NUMB: variants seen among roughly 807,000 people sequenced by gnomAD.
The protein encoded by NUMB is protein numb homolog.
In NUMB, 29 loss-of-function variants were observed where a neutral mutation model predicts 59.7. That is an observed-to-expected ratio of 0.49 (90% confidence interval 0.36 to 0.66). The LOEUF is 0.66. Among genes scored for constraint, NUMB ranks in the 30% least tolerant of loss-of-function variants. NUMB has a pLI of 0.00. For synonymous variants in NUMB, 288 were observed against 288.2 expected, an observed-to-expected ratio of 1.00 and a Z score of 0.01; for missense variants, 723 against 822.0, an observed-to-expected ratio of 0.88 and a Z score of 1.47.
chr14:73,370,913 G>A (rs142404050), intron 2 of NUMB, among the ~76,000 whole-genome samples: 2 of 152,088 alleles, frequency 1.3e-5, no homozygotes, highest in African/African-American at 4.8e-5. Context: ...AAGAAAATTT[G>A]CAAAGATCAT....
chr14:73,338,840 C>T (rs1436382266), intron 4 of NUMB, among the ~76,000 whole-genome samples: 1 of 152,174 alleles, frequency 6.6e-6, no homozygotes, highest in Admixed American at 6.6e-5. Flanking sequence ...TAGAAACTTA[C>T]TCATAATTAT....
At chr14:73,446,360 C>A (rs1223863543) in intron 1 of NUMB, among the ~76,000 whole-genome samples, 1 of 152,070 alleles carries the variant, frequency 6.6e-6, no homozygotes, top group Non-Finnish European at 1.5e-5. Context: ...GTAATCCCAG[C>A]ACTTTGGGAG....
At chr14:73,443,795 C>T (rs1233274252) in intron 1 of NUMB, among the ~76,000 whole-genome samples, 2 of 152,068 alleles carry the variant, frequency 1.3e-5, no homozygotes, top group African/African-American at 4.8e-5. Flanking sequence ...GGATTACAGA[C>T]GCCCACCACC....
intron 4 of NUMB, among the ~76,000 whole-genome samples, chr14:73,350,486 A>C (rs988302036): frequency 6.6e-6 from 1 of 150,948 alleles, no homozygotes; most frequent in African/African-American, 2.4e-5. Flanking sequence ...GTCATTTTTA[A>C]TACTACTCTT....
At chr14:73,284,718 T>G (rs1433726978) in intron 9 of NUMB, 1 of 194,586 alleles carries the variant, frequency 5.1e-6, no homozygotes, top group Non-Finnish European at 1.1e-5. Flanking sequence ...TTTCAATGCT[T>G]GTGTGTTAGG....
chr14:73,382,832 A>G (rs1403075370), intron 2 of NUMB, among the ~76,000 whole-genome samples: 2 of 152,186 alleles, frequency 1.3e-5, no homozygotes, highest in Non-Finnish European at 2.9e-5. Context: ...ATCAAGAGAA[A>G]AAAAGAAGAC....
chr14:73,440,983 T>C (rs1883025616), intron 1 of NUMB, among the ~76,000 whole-genome samples: 1 of 151,332 alleles, frequency 6.6e-6, no homozygotes. Flanking sequence ...GAAAAAACTT[T>C]TGTGCTTCAA....
chr14:73,289,449 T>G (rs1284014482), intron 8 of NUMB, among the ~76,000 whole-genome samples: 1 of 152,224 alleles, frequency 6.6e-6, no homozygotes, highest in Admixed American at 6.5e-5. Flanking sequence ...ACAATAATTG[T>G]TGGCATCATT....
intron 11 of NUMB, 103 bp from the exon 12 acceptor site, chr14:73,279,527 T>C (rs1348198099): frequency 4.6e-6 from 5 of 1,097,832 alleles, no homozygotes; most frequent in Non-Finnish European, 5.1e-6. Context: ...ACTGGTGGAA[T>C]GGATAAGAGA....
chr14:73,456,295 G>C (rs945004524), intron 1 of NUMB, among the ~76,000 whole-genome samples: 1 of 151,686 alleles, frequency 6.6e-6, no homozygotes, highest in Non-Finnish European at 1.5e-5. Flanking sequence ...TTTTTTTAAA[G>C]ATGGGGGTCT....
At chr14:73,453,559 T>C (rs529188901) in intron 1 of NUMB, among the ~76,000 whole-genome samples, 6 of 152,296 alleles carry the variant, frequency 3.9e-5, no homozygotes, top group African/African-American at 1.2e-4. Context: ...ATTGTATTTC[T>C]ACCTCTTATA....
At chr14:73,425,996 T>TA (rs1897561172) in intron 1 of NUMB, among the ~76,000 whole-genome samples, 1 of 151,810 alleles carries the variant, frequency 6.6e-6, no homozygotes, top group Non-Finnish European at 1.5e-5. Flanking sequence ...TTTTAGTAGA[T>TA]ACAATGTTTC....
chr14:73,371,636 C>T (rs1894677651), intron 2 of NUMB, among the ~76,000 whole-genome samples: 1 of 152,110 alleles, frequency 6.6e-6, no homozygotes, highest in African/African-American at 2.4e-5. Flanking sequence ...AGGTCCCCCC[C>T]AAAATTCAAG....
At chr14:73,326,167 C>A (rs1219542076) in intron 4 of NUMB, among the ~76,000 whole-genome samples, 1 of 152,138 alleles carries the variant, frequency 6.6e-6, no homozygotes, top group Non-Finnish European at 1.5e-5. Flanking sequence ...GCTCACCCTG[C>A]AGCTGCACAG....
At chr14:73,309,902 A>G (rs928766373) in intron 6 of NUMB, among the ~76,000 whole-genome samples, 2 of 152,076 alleles carry the variant, frequency 1.3e-5, no homozygotes, top group African/African-American at 4.8e-5. Flanking sequence ...ACTCTCAGGA[A>G]TTAGGTTAAA....
intron 4 of NUMB, among the ~76,000 whole-genome samples, chr14:73,325,534 C>T (rs1337940587): frequency 6.6e-6 from 1 of 152,168 alleles, no homozygotes; most frequent in East Asian, 1.9e-4. Context: ...AAGTATACAT[C>T]CAGGGCAACT....
intron 4 of NUMB, among the ~76,000 whole-genome samples, chr14:73,323,871 T>C (rs1566743053): frequency 6.6e-6 from 1 of 152,202 alleles, no homozygotes. Context: ...ATAGGATAAC[T>C]ATGTATCAGT....
intron 2 of NUMB, among the ~76,000 whole-genome samples, chr14:73,385,855 G>C (rs1895493418): frequency 6.6e-6 from 1 of 152,130 alleles, no homozygotes; most frequent in African/African-American, 2.4e-5. Flanking sequence ...TGGTAGTAAT[G>C]ATCGGAGTAA....
chr14:73,423,319 A>T (rs1897432862), intron 1 of NUMB, among the ~76,000 whole-genome samples: 1 of 149,888 alleles, frequency 6.7e-6, no homozygotes, highest in South Asian at 2.1e-4. Context: ...GGCCAACATG[A>T]TGAAACCCTG....
Sources: gnomAD v4.1 joint callset for allele counts (sites outside exome capture counted in the v4.1 genomes callset) on GRCh38, gnomAD v4.1.1 for gene constraint, MANE v1.5 for transcripts, NCBI Gene and HGNC (gene_info 2026-07-23, HGNC 2026-07-21) for gene names.